RHOBTB1: variants seen among roughly 807,000 people sequenced by gnomAD.
RHOBTB1 encodes the protein rho-related BTB domain-containing protein 1.
In RHOBTB1, 40 loss-of-function variants were observed where a neutral mutation model predicts 71.6. That is an observed-to-expected ratio of 0.56 (90% CI 0.43 to 0.73). The LOEUF (loss-of-function observed/expected upper bound fraction) is 0.73. Among genes scored for constraint, RHOBTB1 ranks in the 30% least tolerant of loss-of-function variants. The pLI, the probability that RHOBTB1 is intolerant of heterozygous loss-of-function variation, is 0.00. For synonymous variants in RHOBTB1, 319 were observed against 334.9 expected (o/e 0.95, Z 0.52); for missense variants, 797 against 894.0 (o/e 0.89, Z 1.38).
intron 4 of RHOBTB1, among the ~76,000 whole-genome samples, chr10:60,896,924 G>C (rs1306471044): frequency 6.6e-6 from 1 of 152,114 alleles, no homozygotes; most frequent in Non-Finnish European, 1.5e-5. Context: ...AGCTGATAAA[G>C]CCAAGCTCAG....
intron 2 of RHOBTB1, among the ~76,000 whole-genome samples, chr10:60,961,954 T>G (rs2085796679): frequency 6.6e-6 from 1 of 151,902 alleles, no homozygotes. Context: ...ATTATAGGCA[T>G]GCACTACCAC....
the RHOBTB1 span, among the ~76,000 whole-genome samples, chr10:60,862,698 TTC>T: frequency 1.3e-5 from 2 of 148,750 alleles, no homozygotes; most frequent in African/African-American, 2.5e-5. Flanking sequence ...CCTCTTTCTT[TTC>T]TCTTTCTTTC....
chr10:60,890,271 A>G (rs545254287), intron 5 of RHOBTB1, among the ~76,000 whole-genome samples: 2 of 152,024 alleles, frequency 1.3e-5, no homozygotes, highest in East Asian at 1.9e-4. Context: ...CTGGTGCATT[A>G]GCCCCTTAAC....
chr10:60,886,464 C>T (rs916711011), intron 6 of RHOBTB1, among the ~76,000 whole-genome samples: 4 of 152,148 alleles, frequency 2.6e-5, no homozygotes, highest in East Asian at 3.9e-4. Context: ...ACTCTCTGAA[C>T]CAGAAAGTAA....
intron 2 of RHOBTB1, among the ~76,000 whole-genome samples, chr10:60,927,552 A>C (rs1294879860): frequency 1.3e-5 from 2 of 152,160 alleles, no homozygotes; most frequent in Admixed American, 6.5e-5. Context: ...AACCCAGAAA[A>C]AAATTCCCAC....
the RHOBTB1 span, among the ~76,000 whole-genome samples, chr10:60,863,025 C>A: frequency 6.6e-6 from 1 of 152,054 alleles, no homozygotes. Flanking sequence ...AAGTTTACCT[C>A]CCATTTTTAG....
chr10:60,880,202 T>TGTGAGAGAGAGAGAGAGAGAGAGAGA (rs1418979791), intron 7 of RHOBTB1, among the ~76,000 whole-genome samples: 1 of 126,932 alleles, frequency 7.9e-6, no homozygotes, highest in Non-Finnish European at 1.7e-5. Flanking sequence ...TGTGTGTGTG[T>TGTGAGAGAGAGAGAGAGAGAGAGAGA]GAGAGAGAGA....
intron 4 of RHOBTB1, among the ~76,000 whole-genome samples, chr10:60,902,757 A>G (rs2082472203): frequency 6.6e-6 from 1 of 152,154 alleles, no homozygotes; most frequent in Non-Finnish European, 1.5e-5. Flanking sequence ...TGTTATTCTT[A>G]TTACAAAAGG....
At chr10:60,891,779 G>A (rs964309960) in intron 5 of RHOBTB1, among the ~76,000 whole-genome samples, 7 of 152,008 alleles carry the variant, frequency 4.6e-5, no homozygotes, top group South Asian at 4.1e-4. Context: ...TAAAAGAAAC[G>A]TATTTCCCTC....
At chr10:60,952,831 C>T (rs903418148) in intron 2 of RHOBTB1, among the ~76,000 whole-genome samples, 5 of 151,958 alleles carry the variant, frequency 3.3e-5, no homozygotes, top group African/African-American at 1.2e-4. Context: ...GAACTGATCT[C>T]TATGACGTGA....
intron 2 of RHOBTB1, among the ~76,000 whole-genome samples, chr10:60,939,785 A>T (rs533193797): frequency 6.6e-6 from 1 of 152,320 alleles, no homozygotes; most frequent in East Asian, 1.9e-4. Flanking sequence ...GCAGAATTTC[A>T]AATGTTTCCA....
At chr10:60,947,865 A>C (rs1407692437), upstream of RHOBTB1, among the ~76,000 whole-genome samples, 3 of 152,202 alleles carry the variant, frequency 2.0e-5, no homozygotes. Context: ...TGCAATTGCT[A>C]GGTCATATGC....
rs555677305 is a variant in RHOBTB1, at chr10:60,913,991, G to A, written c.-10-2439C>T. Among the ~76,000 whole-genome samples the A allele has an allele frequency of 5.3e-5, 8 of 152,212 alleles. No homozygotes were observed. In the South Asian group the frequency reaches 1.5e-3, roughly 28 times the overall value. On this transcript the variant is annotated intron_variant, in intron 2 of 10. Coordinates refer to ENST00000337910, the MANE Select transcript of RHOBTB1 (RefSeq NM_014836.5). The stretch of plus-strand genomic sequence containing the variant: ...AAATTATAATCATGATGCTGAAGAC[G>A]AATGTCTTCAGATGACAACAAAATT...
chr10:60,977,342 A>T (rs2086350138), intron 2 of RHOBTB1, among the ~76,000 whole-genome samples: 1 of 152,070 alleles, frequency 6.6e-6, no homozygotes, highest in Non-Finnish European at 1.5e-5. Context: ...GTGTTGCCCT[A>T]TTTATGAAAC....
intron 2 of RHOBTB1, among the ~76,000 whole-genome samples, chr10:60,952,968 G>A (rs1048090429): frequency 6.6e-6 from 1 of 152,032 alleles, no homozygotes; most frequent in Non-Finnish European, 1.5e-5. Context: ...CACAACGCAA[G>A]CTTTAGTTCA....
At chr10:60,981,466 T>C (rs537572689) in intron 2 of RHOBTB1, among the ~76,000 whole-genome samples, 3 of 152,308 alleles carry the variant, frequency 2.0e-5, no homozygotes, top group Admixed American at 1.3e-4. Flanking sequence ...GCTTGAAGGT[T>C]GTAAAGCTGA....
intron 4 of RHOBTB1, among the ~76,000 whole-genome samples, chr10:60,895,497 TG>T (rs1265330766): frequency 6.6e-6 from 1 of 152,202 alleles, no homozygotes; most frequent in East Asian, 1.9e-4. Flanking sequence ...CTCTGCCTCC[TG>T]GGTTCAAGCA....
At chr10:60,921,746 A>G (rs2083575545) in intron 2 of RHOBTB1, among the ~76,000 whole-genome samples, 1 of 152,228 alleles carries the variant, frequency 6.6e-6, no homozygotes, top group African/African-American at 2.4e-5. Context: ...ATCTCTGGTG[A>G]CTGATCATTA....
chr10:60,882,422 C>T (rs960599801), intron 7 of RHOBTB1, among the ~76,000 whole-genome samples: 4 of 152,006 alleles, frequency 2.6e-5, no homozygotes, highest in African/African-American at 4.8e-5. Context: ...TTGCTGAGTA[C>T]CTCTGGGGAG....
Sources: allele counts gnomAD v4.1 joint callset (sites outside exome capture counted in the v4.1 genomes callset), GRCh38; gene constraint gnomAD v4.1.1; transcripts MANE v1.5; gene names NCBI Gene and HGNC (gene_info 2026-07-23, HGNC 2026-07-21).